The following LRP1B variants were observed in gnomAD, a reference collection of about 807,000 sequenced individuals.
LRP1B encodes LDL receptor related protein 1B.
LRP1B carries 217 observed loss-of-function variants against 556.6 expected under a neutral mutation model. The observed-to-expected ratio is 0.39, with a 90% CI of 0.35 to 0.44. LRP1B has a LOEUF of 0.44. Ranked by LOEUF, LRP1B falls within the 20% of genes least tolerant of loss-of-function variation. The pLI is 1.00. For synonymous variants in LRP1B, 2,047 were observed against 1,865.8 expected, an observed-to-expected ratio of 1.10 and a Z score of -2.50; for missense variants, 5,053 against 5,620.8, an observed-to-expected ratio of 0.90 and a Z score of 3.23.
At chr2:140,683,748 C>T in intron 41 of LRP1B, 1 of 958,656 alleles carries the variant, frequency 1.0e-6, no homozygotes, top group South Asian at 1.3e-5. Flanking sequence ...GATCCATAGC[C>T]TTCTCAGTCT....
chr2:141,206,535 C>T (rs1682291357), intron 6 of LRP1B, among the ~76,000 whole-genome samples: 1 of 151,712 alleles, frequency 6.6e-6, no homozygotes, highest in Admixed American at 6.6e-5. Flanking sequence ...TGCAGTGAGC[C>T]GAGATCGTGC....
chr2:142,078,191 T>C (rs1021959660), intron 1 of LRP1B, among the ~76,000 whole-genome samples: 2 of 152,124 alleles, frequency 1.3e-5, no homozygotes, highest in Admixed American at 6.6e-5. Flanking sequence ...TACAAACTGA[T>C]TGAAATGTAC....
chr2:142,057,112 G>A (rs1261668718), intron 1 of LRP1B, among the ~76,000 whole-genome samples: 1 of 152,048 alleles, frequency 6.6e-6, no homozygotes, highest in Non-Finnish European at 1.5e-5. Context: ...ACCATAAATA[G>A]CTTTAGCAGT....
intron 37 of LRP1B, 56 bp downstream of exon 37, chr2:140,715,917 T>C (rs1158497610): frequency 4.3e-6 from 6 of 1,392,852 alleles, no homozygotes; most frequent in Non-Finnish European, 5.8e-6. Context: ...TTTTTTTCAA[T>C]AGAACTTAGA....
chr2:141,368,585 T>C (rs1224048571), intron 3 of LRP1B, among the ~76,000 whole-genome samples: 1 of 152,238 alleles, frequency 6.6e-6, no homozygotes, highest in Non-Finnish European at 1.5e-5. Flanking sequence ...TAAATGTCAA[T>C]GCATAATGGA....
intron 71 of LRP1B, among the ~76,000 whole-genome samples, chr2:140,365,700 C>T (rs1682729687): frequency 6.6e-6 from 1 of 151,594 alleles, no homozygotes; most frequent in African/African-American, 2.4e-5. Context: ...ATAGATATCA[C>T]AGTATAGAAT....
At chr2:141,327,501 G>GA (rs1687469122) in intron 3 of LRP1B, among the ~76,000 whole-genome samples, 1 of 152,010 alleles carries the variant, frequency 6.6e-6, no homozygotes, top group Non-Finnish European at 1.5e-5. Context: ...AAGAACACAG[G>GA]AATAGTTAGA....
chr2:142,076,075 A>T lies in LRP1B; in HGVS notation c.82+54573T>A, dbSNP rs547562021. Among the ~76,000 whole-genome samples the T allele has an allele frequency of 9.9e-5, 15 of 152,234 alleles. No homozygotes were observed. The South Asian group carries it at 3.1e-3, about 32-fold the overall frequency. ...GAAGCAATAACATTTCCCAGCTCGG[A>T]CATAAAGCACTGACAGGTTTTTGCA... On this transcript the variant is annotated intron_variant, in intron 1 of 90. Coordinates refer to ENST00000389484, the MANE Select transcript of LRP1B (RefSeq NM_018557.3).
chr2:140,314,602 A>G (rs971803316), intron 83 of LRP1B, among the ~76,000 whole-genome samples: 2 of 152,098 alleles, frequency 1.3e-5, no homozygotes, highest in Non-Finnish European at 2.9e-5. Context: ...ACTACGTGCA[A>G]CAACAAAAAC....
intron 72 of LRP1B, 29 bp from the exon 73 acceptor site, chr2:140,358,975 G>C (rs1480710084): frequency 6.3e-7 from 1 of 1,597,260 alleles, no homozygotes; most frequent in South Asian, 1.1e-5. Flanking sequence ...AAACAAAGAA[G>C]CTCCTTCGAG....
intron 31 of LRP1B, among the ~76,000 whole-genome samples, chr2:140,827,458 T>C (rs1469071437): frequency 6.6e-6 from 1 of 151,544 alleles, no homozygotes; most frequent in East Asian, 1.9e-4. Flanking sequence ...ATCTTAGAAG[T>C]GAGAAACAAG....
intron 7 of LRP1B, among the ~76,000 whole-genome samples, chr2:141,090,142 A>G (rs912893218): frequency 1.3e-5 from 2 of 152,334 alleles, no homozygotes; most frequent in Admixed American, 1.3e-4. Context: ...ACAGGGGGTT[A>G]GTGTTGATTG....
intron 86 of LRP1B, among the ~76,000 whole-genome samples, chr2:140,263,534 T>C (rs1682043821): frequency 6.6e-6 from 1 of 152,130 alleles, no homozygotes; most frequent in Non-Finnish European, 1.5e-5. Context: ...CTTTCCCCTC[T>C]CACTGTTTAC....
At chr2:140,748,778 GTATATAATATATATTATATACATAT>G (rs1688451733) in intron 35 of LRP1B, among the ~76,000 whole-genome samples, 3 of 61,330 alleles carry the variant, frequency 4.9e-5, no homozygotes, top group African/African-American at 1.3e-4. Context: ...TATATAATAT[GTATATAATATATATTATATACATAT>G]TATATACATG....
chr2:141,546,525 C>T (rs989459882), intron 2 of LRP1B, among the ~76,000 whole-genome samples: 3 of 152,140 alleles, frequency 2.0e-5, no homozygotes, highest in Non-Finnish European at 2.9e-5. Context: ...TTCTAAGGAT[C>T]TTTTGTCGGC....
chr2:140,263,718 A>C (rs1655850041), intron 86 of LRP1B, among the ~76,000 whole-genome samples: 1 of 151,850 alleles, frequency 6.6e-6, no homozygotes, highest in Admixed American at 6.6e-5. Context: ...GTTTCCAAAA[A>C]CATGTGCCTC....
intron 1 of LRP1B, among the ~76,000 whole-genome samples, chr2:142,002,633 G>T (rs1024928208): frequency 6.6e-6 from 1 of 151,736 alleles, no homozygotes; most frequent in East Asian, 1.9e-4. Context: ...ATAACCTTCA[G>T]ACAGGTACTC....
intron 75 of LRP1B, among the ~76,000 whole-genome samples, chr2:140,354,054 T>C (rs1341828734): frequency 1.3e-5 from 2 of 152,116 alleles, no homozygotes; most frequent in South Asian, 2.1e-4. Flanking sequence ...TAAGGGCTTA[T>C]GAAGAGCCAG....
At position 141,571,930 on chromosome 2, in the gene LRP1B, A is replaced by T. The variant is rs1237882104; in HGVS notation, c.206-91397T>A. Among the ~76,000 whole-genome samples the T allele has an allele frequency of 2.6e-5, 4 of 152,180 alleles. No homozygotes were observed. The South Asian group carries it at 8.3e-4, about 31-fold the overall frequency. On this transcript the variant is annotated intron_variant, in intron 2 of 90. Coordinates refer to ENST00000389484, the MANE Select transcript of LRP1B (RefSeq NM_018557.3). ...AAGCCTCCAAGAAATATGGGACTTC[A>T]TAAGAAGACTGAACCGACGATTGAT...
Sources: allele counts gnomAD v4.1 joint callset (sites outside exome capture counted in the v4.1 genomes callset), GRCh38; gene constraint gnomAD v4.1.1; transcripts MANE v1.5; gene names NCBI Gene and HGNC (gene_info 2026-07-23, HGNC 2026-07-21).